The following DGKB variants were observed in gnomAD, a reference collection of about 807,000 sequenced individuals.
DGKB encodes the protein diacylglycerol kinase beta.
Under a neutral mutation model 114.3 loss-of-function variants are expected in DGKB, and 67 were observed. The observed-to-expected ratio is 0.59, with a 90% CI of 0.48 to 0.72. The LOEUF (loss-of-function observed/expected upper bound fraction) is 0.72, where lower values mean the gene tolerates loss of function less well. Among genes scored for constraint, DGKB ranks in the 30% least tolerant of loss-of-function variants. DGKB has a pLI of 0.00. For missense variants in DGKB, 907 were observed against 975.2 expected (o/e 0.93, Z 0.93); for synonymous variants, 398 against 323.1 (o/e 1.23, Z -2.49).
intron 1 of DGKB, among the ~76,000 whole-genome samples, chr7:14,917,665 C>T (rs982577195): frequency 6.6e-5 from 10 of 151,902 alleles, no homozygotes; most frequent in Admixed American, 2.6e-4. Context: ...CATTCCCAGA[C>T]AGTTTCATTG....
At chr7:14,946,066 T>C (rs1012399144) in intron 1 of DGKB, among the ~76,000 whole-genome samples, 10 of 151,340 alleles carry the variant, frequency 6.6e-5, no homozygotes, top group Non-Finnish European at 1.2e-4. Flanking sequence ...TTGACATTAA[T>C]AGATAAAATA....
chr7:14,813,121 G>A (rs1843654218), intron 2 of DGKB, among the ~76,000 whole-genome samples: 1 of 152,184 alleles, frequency 6.6e-6, no homozygotes, highest in Non-Finnish European at 1.5e-5. Context: ...GTTCAAAGAT[G>A]TGTGAGAGGA....
chr7:14,464,214 C>A (rs1461950067), intron 21 of DGKB, among the ~76,000 whole-genome samples: 1 of 151,674 alleles, frequency 6.6e-6, no homozygotes, highest in South Asian at 2.1e-4. Context: ...TGTAAAACAG[C>A]CAAAATAATT....
intron 1 of DGKB, among the ~76,000 whole-genome samples, chr7:14,917,558 A>G (rs1784303862): frequency 6.6e-6 from 1 of 152,066 alleles, no homozygotes; most frequent in Non-Finnish European, 1.5e-5. Context: ...GACATGATCT[A>G]TAAAAACTCA....
intron 23 of DGKB, among the ~76,000 whole-genome samples, chr7:14,230,799 T>G (rs1252203980): frequency 6.6e-6 from 1 of 152,078 alleles, no homozygotes; most frequent in African/African-American, 2.4e-5. Context: ...TTATACACAT[T>G]ACTACCTCTG....
At chr7:14,939,021 A>C (rs1355406172) in intron 1 of DGKB, among the ~76,000 whole-genome samples, 5 of 152,144 alleles carry the variant, frequency 3.3e-5, no homozygotes, top group Non-Finnish European at 7.4e-5. Context: ...CCAGATTCAC[A>C]CACATTGCTG....
intron 6 of DGKB, among the ~76,000 whole-genome samples, chr7:14,704,017 TCTTA>T (rs1443748472): frequency 2.0e-5 from 3 of 151,922 alleles, no homozygotes; most frequent in Admixed American, 6.6e-5. Context: ...AAAATAGAAT[TCTTA>T]CTAACAAATC....
intron 23 of DGKB, among the ~76,000 whole-genome samples, chr7:14,278,580 G>A (rs142795072): frequency 6.6e-6 from 1 of 152,056 alleles, no homozygotes; most frequent in Admixed American, 6.6e-5. Context: ...CATTGGTCTG[G>A]CAATGATTTT....
At chr7:14,730,512 T>C (rs954651380) in intron 5 of DGKB, among the ~76,000 whole-genome samples, 13 of 152,192 alleles carry the variant, frequency 8.5e-5, no homozygotes, top group Non-Finnish European at 1.6e-4. Context: ...AGAAACATTA[T>C]GTAAGAAAAC....
intron 21 of DGKB, among the ~76,000 whole-genome samples, chr7:14,457,792 G>C (rs1832494180): frequency 6.6e-6 from 1 of 152,022 alleles, no homozygotes; most frequent in African/African-American, 2.4e-5. Context: ...ATTTACAACA[G>C]ACTCTCAAGT....
intron 21 of DGKB, among the ~76,000 whole-genome samples, chr7:14,416,909 A>G (rs1825806475): frequency 6.6e-6 from 1 of 152,004 alleles, no homozygotes; most frequent in Non-Finnish European, 1.5e-5. Flanking sequence ...AATTGTAACC[A>G]TTGCCTTCAA....
At chr7:14,562,102 G>C (rs2128672975) in intron 20 of DGKB, among the ~76,000 whole-genome samples, 1 of 152,336 alleles carries the variant, frequency 6.6e-6, no homozygotes, top group East Asian at 1.9e-4. Context: ...GTACAGCTCA[G>C]AATGTGGTTC....
chr7:14,672,571 A>G (rs1563863636), intron 13 of DGKB, among the ~76,000 whole-genome samples: 1 of 152,080 alleles, frequency 6.6e-6, no homozygotes, highest in South Asian at 2.1e-4. Context: ...TATAATGTGC[A>G]TCTCCAGCAA....
intron 15 of DGKB, 92 bp from the exon 16 acceptor site, chr7:14,613,505 C>G (rs757105834): frequency 1.4e-6 from 1 of 709,818 alleles, no homozygotes; most frequent in Admixed American, 2.5e-5. Context: ...AATACCAATA[C>G]GCAATTTCAA....
At chr7:14,578,630 C>T (rs1030990724) in intron 19 of DGKB, among the ~76,000 whole-genome samples, 1 of 152,190 alleles carries the variant, frequency 6.6e-6, no homozygotes, top group East Asian at 1.9e-4. Flanking sequence ...AGTTTGGCTA[C>T]TTGCCTGATT....
chr7:14,261,473 G>A (rs1030428572), intron 23 of DGKB, among the ~76,000 whole-genome samples: 1 of 152,082 alleles, frequency 6.6e-6, no homozygotes, highest in Non-Finnish European at 1.5e-5. Flanking sequence ...AAGGATGAGT[G>A]AGGAACAGAA....
chr7:14,803,550 G>T (rs2128056218), intron 2 of DGKB, among the ~76,000 whole-genome samples: 1 of 152,192 alleles, frequency 6.6e-6, no homozygotes, highest in East Asian at 1.9e-4. Flanking sequence ...CGATTTTAAA[G>T]AATCAAATGG....
chr7:14,304,100 C>CTCTCTG (rs1234572142), intron 23 of DGKB, among the ~76,000 whole-genome samples: 1 of 150,820 alleles, frequency 6.6e-6, no homozygotes, highest in Admixed American at 6.6e-5. Context: ...CTCTCTCTCT[C>CTCTCTG]ACCCCTACCT....
chr7:14,245,836 G>A (rs1036885305), intron 23 of DGKB, among the ~76,000 whole-genome samples: 1 of 152,102 alleles, frequency 6.6e-6, no homozygotes, highest in Non-Finnish European at 1.5e-5. Context: ...GTTGAGGCAG[G>A]AGAATTGCTT....
Sources: allele counts gnomAD v4.1 joint callset (sites outside exome capture counted in the v4.1 genomes callset), GRCh38; gene constraint gnomAD v4.1.1; transcripts MANE v1.5; gene names NCBI Gene and HGNC (gene_info 2026-07-23, HGNC 2026-07-21).